The following EEF2K variants were observed in gnomAD, a reference collection of about 807,000 sequenced individuals.
EEF2K encodes the protein eukaryotic elongation factor 2 kinase, also known as alternative protein EEF2K.
Under a neutral mutation model 93.8 loss-of-function variants are expected in EEF2K, and 70 were observed. That is an observed-to-expected ratio of 0.75 (90% CI 0.62 to 0.91). The LOEUF (loss-of-function observed/expected upper bound fraction) is 0.91. Among genes scored for constraint, EEF2K ranks in the 40% least tolerant of loss-of-function variants. EEF2K has a pLI of 0.00. For missense variants in EEF2K, 935 were observed against 972.9 expected, an observed-to-expected ratio of 0.96 and a Z score of 0.52; for synonymous variants, 376 against 380.8, an observed-to-expected ratio of 0.99 and a Z score of 0.15.
chr16:22,239,516 G>A (rs934759446), intron 2 of EEF2K, among the ~76,000 whole-genome samples: 1 of 152,198 alleles, frequency 6.6e-6, no homozygotes, highest in Non-Finnish European at 1.5e-5. Flanking sequence ...GGTGCTTTAA[G>A]TTACGGGGAT....
At chr16:22,220,588 C>A (rs2047002166) in intron 1 of EEF2K, among the ~76,000 whole-genome samples, 1 of 152,160 alleles carries the variant, frequency 6.6e-6, no homozygotes, top group Admixed American at 6.5e-5. Context: ...GGACTACAGG[C>A]ACACACCACC....
chr16:22,230,420 C>T (rs1011416436), intron 2 of EEF2K, among the ~76,000 whole-genome samples: 3 of 152,066 alleles, frequency 2.0e-5, no homozygotes, highest in African/African-American at 4.8e-5. Context: ...CGCCATGTTG[C>T]CCAGGCTGGT....
At chr16:22,225,005 A>G (rs576974028) in intron 1 of EEF2K, among the ~76,000 whole-genome samples, 8 of 152,184 alleles carry the variant, frequency 5.3e-5, no homozygotes, top group African/African-American at 1.9e-4. Flanking sequence ...GTGATATGCA[A>G]GGGAGTGATT....
chr16:22,263,090 A>C lies in EEF2K; in HGVS notation c.1300-20A>C, dbSNP rs1026388728. 1 of 1,608,648 alleles carries C rather than the reference A, an allele frequency of 6.2e-7. No homozygotes were observed. The highest frequency in any genetic ancestry group is 1.7e-5 in the Admixed American group (1 of 59,040). ...TGCTCAGGGGACCACCAGGACCCTA[A>C]GGCCGTCTTCTCTCCACAGGAGTCT... On this transcript the variant is annotated intron_variant, in intron 11 of 17. Transcript: ENST00000263026.
chr16:22,211,443 TTG>T (rs903399201), intron 1 of EEF2K, among the ~76,000 whole-genome samples: 1 of 152,058 alleles, frequency 6.6e-6, no homozygotes. Context: ...TTGTTTGTTT[TTG>T]TTTGTTTGTT....
intron 17 of EEF2K, among the ~76,000 whole-genome samples, chr16:22,283,683 G>T (rs145973304): frequency 6.6e-6 from 1 of 152,268 alleles, no homozygotes; most frequent in East Asian, 1.9e-4. Flanking sequence ...TGGGGGATAG[G>T]AGGAGTGCTA....
chr16:22,224,802 A>G (rs2047047201), intron 1 of EEF2K, among the ~76,000 whole-genome samples: 1 of 151,948 alleles, frequency 6.6e-6, no homozygotes, highest in African/African-American at 2.4e-5. Context: ...AAAATGCAAA[A>G]ATTAGCTAGT....
At chr16:22,232,059 C>T (rs1351070169) in intron 2 of EEF2K, among the ~76,000 whole-genome samples, 11 of 151,070 alleles carry the variant, frequency 7.3e-5, no homozygotes, top group Non-Finnish European at 1.2e-4. Context: ...TAGGTCCCTC[C>T]GCTCCAGGAC....
At chr16:22,268,126 C>A (rs1345992252) in intron 15 of EEF2K, among the ~76,000 whole-genome samples, 1 of 152,026 alleles carries the variant, frequency 6.6e-6, no homozygotes, top group African/African-American at 2.4e-5. Flanking sequence ...ATTTATTTAG[C>A]TTTTTGAATT....
In EEF2K at chr16:22,265,367, G is replaced by A. The variant is rs75208527; in HGVS notation, c.1440+487G>A. 681 of 153,370 alleles carry A rather than the reference G, an allele frequency of 4.4e-3. 10 individuals carry two copies. The highest frequency in any genetic ancestry group is 0.015 in the African/African-American group (623 of 41,514). The allele number at this position is 153,370 out of a possible 1,614,324, so 9.5% of individuals were successfully genotyped here. On this transcript the variant is annotated intron_variant, in intron 13 of 17. Coordinates refer to ENST00000263026, the MANE Select transcript of EEF2K (RefSeq NM_013302.5). ...ACCCCTCTAAGTGATTCCCTCACAC[G>A]CTTTGAACTGCCCATCTTTGGAGCC...
At chr16:22,222,035 A>G (rs1157016406) in intron 1 of EEF2K, among the ~76,000 whole-genome samples, 1 of 152,062 alleles carries the variant, frequency 6.6e-6, no homozygotes, top group African/African-American at 2.4e-5. Context: ...GTGCCACCCC[A>G]CTCCAGCCTG....
chr16:22,237,507 G>T (rs568895203), intron 2 of EEF2K, among the ~76,000 whole-genome samples: 1 of 151,772 alleles, frequency 6.6e-6, no homozygotes, highest in Non-Finnish European at 1.5e-5. Context: ...GCGTGGTGGC[G>T]TGTGCCCATA....
chr16:22,236,095 C>A (rs544120074), intron 2 of EEF2K, among the ~76,000 whole-genome samples: 1 of 152,206 alleles, frequency 6.6e-6, no homozygotes, highest in Non-Finnish European at 1.5e-5. Flanking sequence ...GACCACTGTG[C>A]CTGGTTTCCA....
rs1307823038 is a variant in EEF2K, at chr16:22,284,635, T to A, written c.*639T>A. On this transcript the variant is annotated 3_prime_UTR_variant, in exon 18 of 18. Coordinates refer to ENST00000263026, the MANE Select transcript of EEF2K (RefSeq NM_013302.5). ...CTTTTTTTTTTTTTGTCACGAGATA[T>A]AAGAAAGTGCTTTTTGCCTTGAATG... The A allele has an allele frequency of 7.0e-6, 1 of 142,008 alleles. No homozygotes were observed. The highest frequency in any genetic ancestry group is 2.9e-5 in the African/African-American group (1 of 34,162). The allele number at this position is 142,008 out of a possible 1,614,324, so 8.8% of individuals were successfully genotyped here.
intron 6 of EEF2K, among the ~76,000 whole-genome samples, chr16:22,255,936 C>T (rs894762343): frequency 6.6e-5 from 10 of 151,014 alleles, no homozygotes; most frequent in African/African-American, 9.7e-5. Flanking sequence ...TTTTTTAAGA[C>T]GGAGTCTCAC....
intron 1 of EEF2K, among the ~76,000 whole-genome samples, chr16:22,207,821 C>A (rs1458428845): frequency 6.6e-6 from 1 of 152,092 alleles, no homozygotes; most frequent in Admixed American, 6.6e-5. Context: ...ACAGAGCAAG[C>A]AGGTGGGAGC....
chr16:22,264,747 C>A, intron 12 of EEF2K, 71 bp from the exon 13 acceptor site: 1 of 1,579,682 alleles, frequency 6.3e-7, no homozygotes, highest in Non-Finnish European at 8.7e-7. Context: ...GAGGGCTGGA[C>A]CAGCTCTCAG....
chr16:22,240,221 A>G (rs2047208582), intron 2 of EEF2K, among the ~76,000 whole-genome samples: 1 of 152,178 alleles, frequency 6.6e-6, no homozygotes, highest in African/African-American at 2.4e-5. Context: ...TTGAAGTCTA[A>G]CAGTGGAGAG....
intron 17 of EEF2K, among the ~76,000 whole-genome samples, chr16:22,282,754 T>C: frequency 6.6e-6 from 1 of 152,196 alleles, no homozygotes; most frequent in East Asian, 1.9e-4. Context: ...TAAATTTCTT[T>C]TCATTATAAA....
Sources: allele counts gnomAD v4.1 joint callset (sites outside exome capture counted in the v4.1 genomes callset), GRCh38; gene constraint gnomAD v4.1.1; transcripts MANE v1.5; gene names NCBI Gene and HGNC (gene_info 2026-07-23, HGNC 2026-07-21).